FSTL5: variants seen among roughly 807,000 people sequenced by gnomAD.
FSTL5 encodes follistatin like 5, also known as follistatin-related protein 5.
Under a neutral mutation model 89.1 loss-of-function variants are expected in FSTL5, and 62 were observed. The ratio of observed to expected loss-of-function variants is 0.70; its 90% CI spans 0.57 to 0.86. FSTL5 has a LOEUF of 0.86. FSTL5 is among the 40% of genes least tolerant of loss of function. FSTL5 has a pLI of 0.00. For synonymous variants in FSTL5, 383 were observed against 346.2 expected (o/e 1.11, Z -1.18); for missense variants, 1,057 against 1,001.6 (o/e 1.06, Z -0.75).
intron 6 of FSTL5, among the ~76,000 whole-genome samples, chr4:161,680,720 T>C (rs926550454): frequency 1.3e-5 from 2 of 151,880 alleles, no homozygotes; most frequent in Non-Finnish European, 2.9e-5. Context: ...TTTTTTTATA[T>C]GCCCTTCTAA....
intron 7 of FSTL5, among the ~76,000 whole-genome samples, chr4:161,593,022 C>T (rs1733882773): frequency 6.6e-6 from 1 of 152,068 alleles, no homozygotes; most frequent in African/African-American, 2.4e-5. Flanking sequence ...GATTTACCTT[C>T]TAAGAGTTTT....
chr4:161,843,410 T>G (rs1731270941), intron 4 of FSTL5, among the ~76,000 whole-genome samples: 1 of 152,208 alleles, frequency 6.6e-6, no homozygotes, highest in Admixed American at 6.5e-5. Context: ...GGAATGTTTT[T>G]TCCATTTGTG....
intron 8 of FSTL5, among the ~76,000 whole-genome samples, chr4:161,546,104 T>C (rs892037785): frequency 5.9e-5 from 9 of 151,318 alleles, no homozygotes; most frequent in Non-Finnish European, 1.2e-4. Flanking sequence ...AATTATAAAC[T>C]CAATCTTTGT....
At chr4:161,724,932 C>T (rs1327823888) in intron 6 of FSTL5, among the ~76,000 whole-genome samples, 1 of 152,124 alleles carries the variant, frequency 6.6e-6, no homozygotes, top group African/African-American at 2.4e-5. Context: ...CAGTGGCTCA[C>T]GCCTGTAATC....
chr4:161,400,916 ATC>A (rs1731161076), intron 15 of FSTL5, among the ~76,000 whole-genome samples: 1 of 152,112 alleles, frequency 6.6e-6, no homozygotes, highest in Non-Finnish European at 1.5e-5. Context: ...GTCTTTGAAA[ATC>A]TGTTTTGAAT....
chr4:161,813,027 TC>T (rs1730208186), intron 4 of FSTL5, among the ~76,000 whole-genome samples: 4 of 148,402 alleles, frequency 2.7e-5, no homozygotes, highest in Admixed American at 1.4e-4. Flanking sequence ...CTGTGAAAGA[TC>T]CCTTTTTTTT....
intron 5 of FSTL5, among the ~76,000 whole-genome samples, chr4:161,762,550 T>G (rs1376387591): frequency 6.6e-6 from 1 of 152,210 alleles, no homozygotes; most frequent in African/African-American, 2.4e-5. Flanking sequence ...TATGTTGTGA[T>G]GATACTTCAT....
intron 4 of FSTL5, among the ~76,000 whole-genome samples, chr4:161,783,597 C>CCTTT (rs5863483): frequency 3.2e-5 from 4 of 123,184 alleles, no homozygotes; most frequent in East Asian, 2.4e-4. Context: ...GCTTTCCTTG[C>CCTTT]CTTTCTTTCT....
intron 7 of FSTL5, among the ~76,000 whole-genome samples, chr4:161,600,244 T>C (rs1411505085): frequency 6.9e-6 from 1 of 145,330 alleles, no homozygotes; most frequent in Non-Finnish European, 1.5e-5. Flanking sequence ...CAGCCAAAAA[T>C]AAGCTATATG....
chr4:161,661,547 C>A (rs1736712853), intron 6 of FSTL5, among the ~76,000 whole-genome samples: 1 of 151,978 alleles, frequency 6.6e-6, no homozygotes, highest in Admixed American at 6.6e-5. Context: ...TATAAGATAA[C>A]CACAATTACT....
intron 8 of FSTL5, among the ~76,000 whole-genome samples, chr4:161,576,172 AC>A (rs1278904656): frequency 6.6e-6 from 1 of 152,190 alleles, no homozygotes; most frequent in African/African-American, 2.4e-5. Context: ...ATAAGAGAGG[AC>A]ACAAACAAAT....
intron 4 of FSTL5, among the ~76,000 whole-genome samples, chr4:161,788,918 A>G (rs1265518521): frequency 6.6e-6 from 1 of 152,122 alleles, no homozygotes; most frequent in Non-Finnish European, 1.5e-5. Flanking sequence ...AAAAATAAAA[A>G]CAAAAACAAA....
At chr4:161,461,058 C>G (rs1277658925) in intron 13 of FSTL5, among the ~76,000 whole-genome samples, 2 of 151,330 alleles carry the variant, frequency 1.3e-5, no homozygotes, top group East Asian at 3.9e-4. Flanking sequence ...TAACAGAAGG[C>G]TTCCTTCCAC....
intron 15 of FSTL5, among the ~76,000 whole-genome samples, chr4:161,428,801 C>T (rs556481224): frequency 6.6e-6 from 1 of 152,216 alleles, no homozygotes; most frequent in East Asian, 2.0e-4. Flanking sequence ...ACATTCCCAG[C>T]TGTGGTGCCT....
chr4:162,082,426 GATTT>G (rs970817591), intron 2 of FSTL5, among the ~76,000 whole-genome samples: 11 of 151,408 alleles, frequency 7.3e-5, no homozygotes, highest in African/African-American at 2.7e-4. Flanking sequence ...AGAGTTTTGG[GATTT>G]ATTTACCTGT....
intron 4 of FSTL5, among the ~76,000 whole-genome samples, chr4:161,832,666 G>A (rs1396348654): frequency 1.1e-4 from 16 of 152,180 alleles, no homozygotes; most frequent in South Asian, 1.0e-3. Context: ...GTTTATTTGC[G>A]TAAAGGTGTT....
At chr4:161,762,022 G>GT in intron 5 of FSTL5, among the ~76,000 whole-genome samples, 1 of 152,020 alleles carries the variant, frequency 6.6e-6, no homozygotes, top group Non-Finnish European at 1.5e-5. Context: ...CTTCTTTTCT[G>GT]TTTTTTCACA....
intron 13 of FSTL5, among the ~76,000 whole-genome samples, chr4:161,471,661 G>T (rs1733946522): frequency 6.6e-6 from 1 of 152,138 alleles, no homozygotes; most frequent in African/African-American, 2.4e-5. Context: ...GTAAAATTCA[G>T]CAGTGACATC....
chr4:161,414,985 A>G (rs954913848), intron 15 of FSTL5, among the ~76,000 whole-genome samples: 2 of 152,186 alleles, frequency 1.3e-5, no homozygotes, highest in African/African-American at 4.8e-5. Flanking sequence ...CTACTAATGC[A>G]TAACCAGTGA....
Sources: allele counts gnomAD v4.1 joint callset (sites outside exome capture counted in the v4.1 genomes callset), GRCh38; gene constraint gnomAD v4.1.1; transcripts MANE v1.5; gene names NCBI Gene and HGNC (gene_info 2026-07-23, HGNC 2026-07-21).